Variants in ATP8A2 observed in about 807,000 individuals in gnomAD.
ATP8A2 encodes phospholipid-transporting ATPase IB.
In ATP8A2, 100 loss-of-function variants were observed where a neutral mutation model predicts 165.6. The observed-to-expected ratio is 0.60, with a 90% CI of 0.51 to 0.71. ATP8A2 has a LOEUF of 0.71. ATP8A2 is among the 30% of genes least tolerant of loss of function. The probability of loss-of-function intolerance (pLI) is 0.00; values close to 1 mark genes in which losing one functional copy is unlikely to be tolerated. For missense variants in ATP8A2, 1,227 were observed against 1,479.5 expected, an observed-to-expected ratio of 0.83 and a Z score of 2.80; for synonymous variants, 543 against 548.8, an observed-to-expected ratio of 0.99 and a Z score of 0.15.
chr13:25,579,732 G>A, intron 21 of ATP8A2, 76 bp from the exon 22 acceptor site: 2 of 1,557,806 alleles, frequency 1.3e-6, no homozygotes, highest in East Asian at 4.5e-5. Context: ...GCATGCTGAT[G>A]GAAAAGGGAG....
chr13:26,016,757 A>G lies in ATP8A2; in HGVS notation c.3470-3131A>G, dbSNP rs537759450. Among the ~76,000 whole-genome samples, 4 of 152,284 alleles carry G rather than the reference A, an allele frequency of 2.6e-5. No homozygotes were observed. The South Asian group carries it at 8.3e-4, about 32-fold the overall frequency. ...ACCCTTTCTTTTCTGACGTGGATGCAGAGGCCTCCGTGTTGGTGCAGTGTG... is the reference window on the plus strand; with the variant it reads ...ACCCTTTCTTTTCTGACGTGGATGCGGAGGCCTCCGTGTTGGTGCAGTGTG... On this transcript the variant is annotated intron_variant, in intron 36 of 36. Coordinates refer to ENST00000381655, the MANE Select transcript of ATP8A2 (RefSeq NM_016529.6).
intron 33 of ATP8A2, among the ~76,000 whole-genome samples, chr13:25,898,952 G>A (rs1207142690): frequency 6.6e-6 from 1 of 152,184 alleles, no homozygotes; most frequent in Non-Finnish European, 1.5e-5. Context: ...ACTAGGAAAG[G>A]GAATTCCTTG....
At chr13:25,565,037 A>T (rs1049069806) in intron 16 of ATP8A2, among the ~76,000 whole-genome samples, 1 of 152,072 alleles carries the variant, frequency 6.6e-6, no homozygotes, top group Admixed American at 6.5e-5. Context: ...AAATGCTGTT[A>T]ATTCATTCAT....
At chr13:25,857,505 AGCTGGGACCACAG>A (rs573693803) in intron 30 of ATP8A2, among the ~76,000 whole-genome samples, 78 of 150,724 alleles carry the variant, frequency 5.2e-4, no homozygotes, top group African/African-American at 1.8e-3. Flanking sequence ...CCTCCCAAGT[AGCTGGGACCACAG>A]GCGAGCACCA....
intron 25 of ATP8A2, among the ~76,000 whole-genome samples, chr13:25,743,600 G>A (rs1566096962): frequency 6.6e-6 from 1 of 152,178 alleles, no homozygotes. Context: ...CCGGCCACAT[G>A]TTTCATTTGT....
intron 1 of ATP8A2, among the ~76,000 whole-genome samples, chr13:25,406,496 T>G (rs2033805031): frequency 1.3e-5 from 2 of 152,324 alleles, no homozygotes; most frequent in South Asian, 4.1e-4. Context: ...GTGGAGTTGC[T>G]TTTGCTTCCA....
chr13:25,700,554 C>G (rs1327646023), intron 25 of ATP8A2, among the ~76,000 whole-genome samples: 1 of 152,116 alleles, frequency 6.6e-6, no homozygotes, highest in Non-Finnish European at 1.5e-5. Context: ...CTTTTTATGG[C>G]TGAGTAATAT....
intron 25 of ATP8A2, among the ~76,000 whole-genome samples, chr13:25,727,872 C>A (rs1032663322): frequency 3.9e-5 from 6 of 152,138 alleles, no homozygotes; most frequent in Non-Finnish European, 2.9e-5. Flanking sequence ...TGGAAAACGA[C>A]CCCAGATGAA....
At chr13:25,878,847 A>G (rs1188527582) in intron 33 of ATP8A2, among the ~76,000 whole-genome samples, 1 of 152,072 alleles carries the variant, frequency 6.6e-6, no homozygotes. Flanking sequence ...CCACTTCCCC[A>G]GGCACAGGAG....
At chr13:25,591,503 C>A in intron 24 of ATP8A2, 1 of 384,538 alleles carries the variant, frequency 2.6e-6, no homozygotes. Context: ...CTTTTTAAGG[C>A]TGATTAATAT....
chr13:26,025,116 C>CAAAAAAAAAAAAAAAAAAAAAAGAAA lies in ATP8A2; in HGVS notation c.*5152_*5153insAGAAAAAAAAAAAAAAAAAAAAAAAA, dbSNP rs71080217. ...GTGAATCAATAAACACCAACAACAA[C>CAAAAAAAAAAAAAAAAAAAAAAGAAA]AAAAAAAAAAAAAAAAAAAAAGGAA... On this transcript the variant is annotated 3_prime_UTR_variant, in exon 37 of 37. Transcript: ENST00000381655. The CAAAAAAAAAAAAAAAAAAAAAAGAAA allele has an allele frequency of 1.1e-5, 1 of 94,818 alleles. No individual in the cohort carries two copies. The highest frequency in any genetic ancestry group is 2.1e-5 in the Non-Finnish European group (1 of 48,436). 5.9% of individuals were successfully genotyped at this position (94,818 alleles called of 1,614,324 possible). A position where few individuals can be genotyped will look rare whatever the true frequency, so the allele number is the denominator to read the frequency against.
At chr13:25,725,401 T>C (rs2043471116) in intron 25 of ATP8A2, among the ~76,000 whole-genome samples, 1 of 152,168 alleles carries the variant, frequency 6.6e-6, no homozygotes, top group Admixed American at 6.5e-5. Flanking sequence ...TGGACCAAAG[T>C]GGAATCTGAG....
At chr13:25,764,605 GA>G (rs1378815497) in intron 25 of ATP8A2, among the ~76,000 whole-genome samples, 2 of 152,216 alleles carry the variant, frequency 1.3e-5, no homozygotes, top group Non-Finnish European at 2.9e-5. Flanking sequence ...CAGGCTTTCT[GA>G]TCAGAGGCTG....
At chr13:25,607,415 C>T (rs1334771005) in intron 24 of ATP8A2, among the ~76,000 whole-genome samples, 1 of 152,190 alleles carries the variant, frequency 6.6e-6, no homozygotes, top group Non-Finnish European at 1.5e-5. Flanking sequence ...TGCCCCTCGA[C>T]TCATATTGGG....
intron 25 of ATP8A2, among the ~76,000 whole-genome samples, chr13:25,720,167 CTTTTTTTT>C (rs1007404557): frequency 1.7e-5 from 2 of 117,288 alleles, no homozygotes; most frequent in South Asian, 2.7e-4. Flanking sequence ...TATACTTTTT[CTTTTTTTT>C]TTTTTTTTTT....
intron 24 of ATP8A2, among the ~76,000 whole-genome samples, chr13:25,668,699 G>C (rs1401326158): frequency 1.3e-5 from 2 of 152,076 alleles, no homozygotes; most frequent in South Asian, 4.1e-4. Flanking sequence ...AGGTCTCTAA[G>C]GCTCTGCTTA....
intron 24 of ATP8A2, among the ~76,000 whole-genome samples, chr13:25,690,819 G>T (rs1218023247): frequency 3.3e-5 from 5 of 152,048 alleles, no homozygotes. Flanking sequence ...TGTATGTGTG[G>T]TATGACTGGG....
In ATP8A2 at chr13:25,577,132, A is replaced by G. The variant is rs1163526750; in HGVS notation, c.1776A>G (p.Lys592=). The G allele has an allele frequency of 3.1e-6, 5 of 1,613,692 alleles. No individual in the cohort carries two copies. The highest frequency in any genetic ancestry group is 2.2e-5 in the East Asian group (1 of 44,890). ...TPSGRLRLYC[K]GADNVIFERL... is the part of the protein sequence containing the mutation. Reference sequence around the variant, plus strand: ...CAGGACGACTTCGGCTTTACTGTAAAGGGGCTGTAAGTACCGGAGAAGCGT... The same window carrying G: ...CAGGACGACTTCGGCTTTACTGTAAGGGGGCTGTAAGTACCGGAGAAGCGT... Residue 592 remains lysine (K), a synonymous_variant, in exon 20 of 37, where the codon AAA becomes AAG. Coordinates refer to ENST00000381655, the MANE Select transcript of ATP8A2 (RefSeq NM_016529.6).
chr13:25,768,076 T>TGGGGGGGGGGGGGGGGG (rs397942177), intron 25 of ATP8A2, among the ~76,000 whole-genome samples: 2 of 49,260 alleles, frequency 4.1e-5, no homozygotes, highest in African/African-American at 1.1e-4. Context: ...TGTGGTGGCG[T>TGGGGGGGGGGGGGGGGG]GGGGGGGGGG....
Sources: allele counts gnomAD v4.1 joint callset (sites outside exome capture counted in the v4.1 genomes callset), GRCh38; gene constraint gnomAD v4.1.1; transcripts MANE v1.5; gene names NCBI Gene and HGNC (gene_info 2026-07-23, HGNC 2026-07-21).